B3GALT1: variants seen among roughly 807,000 people sequenced by gnomAD.
The protein encoded by B3GALT1 is beta-1,3-galactosyltransferase 1.
In B3GALT1, 10 loss-of-function variants were observed where a neutral mutation model predicts 23.2. That is an observed-to-expected ratio of 0.43 (90% CI 0.27 to 0.73). The LOEUF (loss-of-function observed/expected upper bound fraction) is 0.73. Among genes scored for constraint, B3GALT1 ranks in the 30% least tolerant of loss-of-function variants. The probability of loss-of-function intolerance (pLI) is 0.21; values close to 1 mark genes in which losing one functional copy is unlikely to be tolerated. For missense variants in B3GALT1, 299 were observed against 405.4 expected, an observed-to-expected ratio of 0.74 and a Z score of 2.25; for synonymous variants, 156 against 141.5, an observed-to-expected ratio of 1.10 and a Z score of -0.73.
At position 167,791,243 on chromosome 2, in the gene B3GALT1, G is replaced by A. The variant is rs116090107; in HGVS notation, c.-351-27429G>A. ...ACCCAACTAAAGTCACACAGCTAGT[G>A]AGTGGTAGGATTCAGGCAGCTTTGA... On this transcript the variant is annotated intron_variant, in intron 3 of 4. Transcript: ENST00000392690. Among the ~76,000 whole-genome samples the A allele has an allele frequency of 8.8e-3, 1,334 of 152,264 alleles. 20 individuals carry two copies. The highest frequency in any genetic ancestry group is 0.027 in the African/African-American group (1,110 of 41,542).
At chr2:167,748,405 T>TAA (rs1423794348) in intron 3 of B3GALT1, among the ~76,000 whole-genome samples, 2 of 152,140 alleles carry the variant, frequency 1.3e-5, no homozygotes, top group Admixed American at 6.6e-5. Context: ...TTTCCACAGA[T>TAA]TCATTAAGTC....
chr2:167,360,245 GTTATA>G (rs1404218801), intron 1 of B3GALT1, among the ~76,000 whole-genome samples: 2 of 152,140 alleles, frequency 1.3e-5, no homozygotes, highest in African/African-American at 4.8e-5. Flanking sequence ...GTTAGGAACT[GTTATA>G]TTCTGCCAGT....
In B3GALT1 at chr2:167,601,536, AC is replaced by A. The variant is rs1253903014; in HGVS notation, c.-409-45371del. ...ATGTTTTTACACTTCTGATGAACAA[AC>A]CTTCCACTGTTAGACTTATGGTGTC... On this transcript the variant is annotated intron_variant, in intron 2 of 4. Coordinates refer to ENST00000392690, the MANE Select transcript of B3GALT1 (RefSeq NM_020981.4). Among the ~76,000 whole-genome samples, 8 of 152,250 alleles carry A rather than the reference AC, an allele frequency of 5.3e-5. No individual in the cohort carries two copies. The South Asian group carries it at 1.7e-3, about 32-fold the overall frequency.
chr2:167,506,043 G>A (rs946862943), intron 2 of B3GALT1, among the ~76,000 whole-genome samples: 1 of 151,976 alleles, frequency 6.6e-6, no homozygotes, highest in Admixed American at 6.6e-5. Context: ...CTGGGTGACA[G>A]AGCGAGACTC....
intron 1 of B3GALT1, among the ~76,000 whole-genome samples, chr2:167,407,058 T>C (rs969718997): frequency 1.3e-5 from 2 of 152,130 alleles, no homozygotes; most frequent in Non-Finnish European, 2.9e-5. Flanking sequence ...CATTAGCAAA[T>C]GGAACATTCT....
At chr2:167,545,363 T>G (rs1432762271) in intron 2 of B3GALT1, among the ~76,000 whole-genome samples, 3 of 152,026 alleles carry the variant, frequency 2.0e-5, no homozygotes, top group African/African-American at 7.2e-5. Flanking sequence ...TTATATCCCC[T>G]TATGACCCCT....
chr2:167,545,023 CTTTTTTTTTTTTTTT>C (rs869066627), intron 2 of B3GALT1, among the ~76,000 whole-genome samples: 25 of 54,288 alleles, frequency 4.6e-4, no homozygotes, highest in East Asian at 6.6e-4. Context: ...GCTTGGGTGT[CTTTTTTTTTTTTTTT>C]TTTTTTTTTT....
chr2:167,861,149 A>G lies in B3GALT1; in HGVS notation c.-229-7662A>G, dbSNP rs11903817. On this transcript the variant is annotated intron_variant, in intron 4 of 4. Coordinates refer to ENST00000392690, the MANE Select transcript of B3GALT1 (RefSeq NM_020981.4). Reference sequence around the variant, plus strand: ...GATTTCAAGTAATGTACAGCATTCAATAAATTATGTGAGTTGTTCAACACG... The same window carrying G: ...GATTTCAAGTAATGTACAGCATTCAGTAAATTATGTGAGTTGTTCAACACG... Among the ~76,000 whole-genome samples the G allele has an allele frequency of 2.6e-3, 399 of 152,350 alleles. 4 individuals are homozygous for G. The highest frequency in any genetic ancestry group is 9.2e-3 in the African/African-American group (381 of 41,576).
intron 1 of B3GALT1, among the ~76,000 whole-genome samples, chr2:167,439,207 G>T (rs1256986442): frequency 6.6e-6 from 1 of 151,968 alleles, no homozygotes; most frequent in African/African-American, 2.4e-5. Context: ...TAATATTGTT[G>T]TTCTGCAAAT....
intron 3 of B3GALT1, among the ~76,000 whole-genome samples, chr2:167,677,025 T>C (rs1686440394): frequency 6.6e-6 from 1 of 152,124 alleles, no homozygotes. Flanking sequence ...GAAAGTCAAA[T>C]ATGTATACAT....
intron 2 of B3GALT1, among the ~76,000 whole-genome samples, chr2:167,529,410 G>A (rs1032044602): frequency 2.0e-5 from 3 of 151,820 alleles, no homozygotes; most frequent in African/African-American, 7.2e-5. Context: ...CTACACTAGT[G>A]CCACATTCTT....
intron 1 of B3GALT1, among the ~76,000 whole-genome samples, chr2:167,486,900 CTGTTA>C (rs1226906957): frequency 6.6e-6 from 1 of 152,042 alleles, no homozygotes; most frequent in Non-Finnish European, 1.5e-5. Context: ...GGAAAATGTT[CTGTTA>C]TGTTAACTCC....
chr2:167,436,242 C>A (rs1032057794), intron 1 of B3GALT1, among the ~76,000 whole-genome samples: 1 of 152,134 alleles, frequency 6.6e-6, no homozygotes, highest in African/African-American at 2.4e-5. Flanking sequence ...GCCTCTCCTA[C>A]GACTTCTTAC....
At chr2:167,566,548 C>T (rs1248548222) in intron 2 of B3GALT1, among the ~76,000 whole-genome samples, 2 of 124,488 alleles carry the variant, frequency 1.6e-5, no homozygotes, top group Admixed American at 8.3e-5. Flanking sequence ...TCAAAATAAA[C>T]TTTAAAAAAA....
At chr2:167,431,588 C>G (rs140950718) in intron 1 of B3GALT1, among the ~76,000 whole-genome samples, 2 of 152,276 alleles carry the variant, frequency 1.3e-5, no homozygotes, top group African/African-American at 4.8e-5. Flanking sequence ...AATTGGACAT[C>G]ATGTCTGTCT....
intron 3 of B3GALT1, chr2:167,713,746 T>C (rs1177845953): frequency 6.3e-7 from 1 of 1,579,348 alleles, no homozygotes; most frequent in Non-Finnish European, 8.7e-7. Context: ...ACCTTCAGAA[T>C]GTGGGGTTGG....
chr2:167,657,382 A>G (rs1462671877), intron 3 of B3GALT1, among the ~76,000 whole-genome samples: 1 of 152,096 alleles, frequency 6.6e-6, no homozygotes, highest in African/African-American at 2.4e-5. Context: ...CTACCATTCA[A>G]GGGGTGTGCT....
At chr2:167,348,637 C>T (rs1697261393) in intron 1 of B3GALT1, among the ~76,000 whole-genome samples, 1 of 152,244 alleles carries the variant, frequency 6.6e-6, no homozygotes, top group Middle Eastern at 3.4e-3. Context: ...CTTATGTGGG[C>T]TGAATTTCAG....
At chr2:167,812,979 GCACCAC>G (rs901281983) in intron 3 of B3GALT1, among the ~76,000 whole-genome samples, 9 of 104,868 alleles carry the variant, frequency 8.6e-5, no homozygotes, top group Non-Finnish European at 1.6e-4. Context: ...ACACACACAC[GCACCAC>G]CACCACCCCC....
Sources: gnomAD v4.1 joint callset for allele counts (sites outside exome capture counted in the v4.1 genomes callset) on GRCh38, gnomAD v4.1.1 for gene constraint, MANE v1.5 for transcripts, NCBI Gene and HGNC (gene_info 2026-07-23, HGNC 2026-07-21) for gene names.